CEP128: variants seen among roughly 807,000 people sequenced by gnomAD.
CEP128 encodes centrosomal protein 128.
In CEP128, 132 loss-of-function variants were observed where a neutral mutation model predicts 156.7. The ratio of observed to expected loss-of-function variants is 0.84; its 90% CI spans 0.73 to 0.97. The LOEUF (loss-of-function observed/expected upper bound fraction) is 0.97. Among genes scored for constraint, CEP128 ranks in the 50% least tolerant of loss-of-function variants. The pLI is 0.00. For missense variants in CEP128, 1,252 were observed against 1,281.9 expected, an observed-to-expected ratio of 0.98 and a Z score of 0.36; for synonymous variants, 469 against 448.9, an observed-to-expected ratio of 1.04 and a Z score of -0.57.
At chr14:80,568,029 T>C (rs925531560) in intron 20 of CEP128, among the ~76,000 whole-genome samples, 2 of 152,200 alleles carry the variant, frequency 1.3e-5, no homozygotes, top group African/African-American at 4.8e-5. Flanking sequence ...GCAAATCATA[T>C]TGCAAGAATG....
intron 19 of CEP128, among the ~76,000 whole-genome samples, chr14:80,623,824 G>A (rs1893594784): frequency 6.6e-6 from 1 of 152,056 alleles, no homozygotes; most frequent in Admixed American, 6.6e-5. Context: ...ACACATTTAT[G>A]GGATACAGAG....
At chr14:80,487,521 T>C (rs1422387375), downstream of CEP128, among the ~76,000 whole-genome samples, 14 of 152,182 alleles carry the variant, frequency 9.2e-5, no homozygotes, top group South Asian at 2.1e-4. Context: ...CTGCACCAAG[T>C]GGACCTAATA....
In CEP128 at chr14:80,806,183, C is replaced by G. The variant is rs181240501; in HGVS notation, c.1210-13073G>C. Among the ~76,000 whole-genome samples, 3 of 152,218 alleles carry G rather than the reference C, an allele frequency of 2.0e-5. 1 individual carries two copies. The highest frequency in any genetic ancestry group is 4.4e-5 in the Non-Finnish European group (3 of 67,978). ...AATCCCAAATAATAGGTTCTTCAGT[C>G]TTAGTGATTAAAAATAGTTATTTCC... On this transcript the variant is annotated intron_variant, in intron 13 of 24. Coordinates refer to ENST00000555265, the MANE Select transcript of CEP128 (RefSeq NM_152446.5).
At chr14:80,861,380 A>G (rs950622255) in intron 9 of CEP128, among the ~76,000 whole-genome samples, 6 of 152,220 alleles carry the variant, frequency 3.9e-5, no homozygotes, top group Middle Eastern at 3.4e-3. Flanking sequence ...TAACTTTAAC[A>G]GTGGATAAAT....
chr14:80,614,867 C>T (rs552453935), intron 19 of CEP128, among the ~76,000 whole-genome samples: 6 of 152,182 alleles, frequency 3.9e-5, no homozygotes, highest in Non-Finnish European at 8.8e-5. Flanking sequence ...TAGACTATAA[C>T]TCCAGGTCAG....
chr14:80,881,853 G>A (rs944552819), intron 8 of CEP128, among the ~76,000 whole-genome samples: 1 of 151,982 alleles, frequency 6.6e-6, no homozygotes, highest in African/African-American at 2.4e-5. Context: ...GAGTAACCAA[G>A]GAATATACCT....
At chr14:80,486,333 GAAAC>G (rs976138756), downstream of CEP128, among the ~76,000 whole-genome samples, 3 of 152,040 alleles carry the variant, frequency 2.0e-5, no homozygotes, top group African/African-American at 4.8e-5. Flanking sequence ...AAAATAAAAA[GAAAC>G]AAACAAAGCC....
intron 19 of CEP128, among the ~76,000 whole-genome samples, chr14:80,610,216 T>C (rs1426787513): frequency 1.3e-5 from 2 of 152,240 alleles, no homozygotes; most frequent in African/African-American, 4.8e-5. Context: ...ATTATCAATC[T>C]TTCCCCCACT....
intron 4 of CEP128, among the ~76,000 whole-genome samples, chr14:80,910,170 T>C (rs1011328707): frequency 6.6e-6 from 1 of 152,258 alleles, no homozygotes; most frequent in Non-Finnish European, 1.5e-5. Context: ...AATGCATGAT[T>C]TAAAGATTAG....
At chr14:80,769,787 A>G (rs915076013) in intron 16 of CEP128, among the ~76,000 whole-genome samples, 2 of 152,192 alleles carry the variant, frequency 1.3e-5, no homozygotes, top group African/African-American at 4.8e-5. Context: ...TCAACATTAA[A>G]CAACAAAATG....
chr14:80,807,825 G>A (rs1884267956), intron 13 of CEP128, among the ~76,000 whole-genome samples: 1 of 151,126 alleles, frequency 6.6e-6, no homozygotes, highest in South Asian at 2.1e-4. Context: ...TCCTGCCCTG[G>A]AACGACAGTC....
chr14:80,900,259 C>T (rs1883468912), intron 6 of CEP128, among the ~76,000 whole-genome samples: 4 of 152,148 alleles, frequency 2.6e-5, no homozygotes. Context: ...AATTCTACTC[C>T]TCCAGAATTC....
intron 22 of CEP128, 126 bp from the exon 23 acceptor site, chr14:80,527,108 T>G: frequency 1.7e-6 from 1 of 578,570 alleles, no homozygotes; most frequent in East Asian, 2.9e-5. Context: ...AATTTAGAGA[T>G]ATATAGGAGA....
intron 21 of CEP128, among the ~76,000 whole-genome samples, chr14:80,549,682 C>A (rs146776778): frequency 2.0e-5 from 3 of 152,152 alleles, no homozygotes; most frequent in South Asian, 2.1e-4. Context: ...AGTTGTACAG[C>A]GGCACTTTAG....
chr14:80,590,767 A>G (rs1470071431), intron 19 of CEP128, among the ~76,000 whole-genome samples: 1 of 152,074 alleles, frequency 6.6e-6, no homozygotes, highest in East Asian at 1.9e-4. Context: ...ATGTGCTCCT[A>G]AAAGTATTTA....
At chr14:80,609,586 C>A (rs1040990475) in intron 19 of CEP128, among the ~76,000 whole-genome samples, 2 of 152,060 alleles carry the variant, frequency 1.3e-5, no homozygotes, top group South Asian at 4.1e-4. Flanking sequence ...ATTATTGGAG[C>A]AGTCTGTGGC....
At chr14:80,799,595 C>A (rs899322043) in intron 13 of CEP128, among the ~76,000 whole-genome samples, 1 of 152,078 alleles carries the variant, frequency 6.6e-6, no homozygotes, top group Non-Finnish European at 1.5e-5. Flanking sequence ...TCGCTAAATT[C>A]TTTTCCTAGC....
intron 21 of CEP128, among the ~76,000 whole-genome samples, chr14:80,552,940 A>G (rs1890268547): frequency 6.6e-6 from 1 of 152,064 alleles, no homozygotes; most frequent in Non-Finnish European, 1.5e-5. Context: ...TATATGATCC[A>G]TTATTCCAAT....
chr14:80,841,318 C>A (rs1886339334), intron 9 of CEP128, among the ~76,000 whole-genome samples: 1 of 151,974 alleles, frequency 6.6e-6, no homozygotes, highest in South Asian at 2.1e-4. Context: ...TGTGAAAAGC[C>A]AACTGCCAGA....
Sources: gnomAD v4.1 joint callset for allele counts (sites outside exome capture counted in the v4.1 genomes callset) on GRCh38, gnomAD v4.1.1 for gene constraint, MANE v1.5 for transcripts, NCBI Gene and HGNC (gene_info 2026-07-23, HGNC 2026-07-21) for gene names.